Variants in SMCO4 observed in about 807,000 individuals in gnomAD.
The protein encoded by SMCO4 is single-pass membrane and coiled-coil domain-containing protein 4.
In SMCO4, 4 loss-of-function variants were observed where a neutral mutation model predicts 3.6. The observed-to-expected ratio is 1.11, with a 90% confidence interval of 0.54 to 2.53. The LOEUF (loss-of-function observed/expected upper bound fraction) is 2.53. Among genes scored for constraint, SMCO4 ranks in the 30% most tolerant of loss-of-function variants. The pLI is 0.02. For synonymous variants in SMCO4, 36 were observed against 35.3 expected (o/e 1.02, Z -0.07); for missense variants, 70 against 80.8 (o/e 0.87, Z 0.51).
At chr11:93,544,635 G>A (rs1272257795), upstream of SMCO4, among the ~76,000 whole-genome samples, 2 of 152,036 alleles carry the variant, frequency 1.3e-5, no homozygotes, top group African/African-American at 2.4e-5. Flanking sequence ...ACAACTTAAG[G>A]CTTTTTTTTT....
At chr11:93,545,353 C>T (rs1197317847), upstream of SMCO4, among the ~76,000 whole-genome samples, 2 of 151,858 alleles carry the variant, frequency 1.3e-5, no homozygotes, top group African/African-American at 4.8e-5. Context: ...TTTGGGAGGC[C>T]GAGGTGGGTG....
chr11:93,542,563 C>T (rs926649596), intron 1 of SMCO4, among the ~76,000 whole-genome samples: 12 of 152,286 alleles, frequency 7.9e-5, no homozygotes, highest in African/African-American at 2.9e-4. Flanking sequence ...CGGTAGTCGG[C>T]CCCAGCAGCA....
At chr11:93,551,536 A>G in the SMCO4 span, among the ~76,000 whole-genome samples, 1 of 152,044 alleles carries the variant, frequency 6.6e-6, no homozygotes, top group Non-Finnish European at 1.5e-5. Context: ...TATCCAACCC[A>G]CACTCTGCTC....
intron 1 of SMCO4, among the ~76,000 whole-genome samples, chr11:93,512,782 T>C (rs1319100567): frequency 6.6e-6 from 1 of 152,170 alleles, no homozygotes; most frequent in Non-Finnish European, 1.5e-5. Flanking sequence ...GTCCCTGTCA[T>C]TAAGTGAGGC....
At chr11:93,535,459 A>G in intron 1 of SMCO4, 18 of 1,369,032 alleles carry the variant, frequency 1.3e-5, no homozygotes, top group Non-Finnish European at 1.6e-5. Flanking sequence ...GTCGAGCCAG[A>G]GTCGCCGCGA....
chr11:93,550,202 A>G, the SMCO4 span, among the ~76,000 whole-genome samples: 6 of 152,152 alleles, frequency 3.9e-5, no homozygotes, highest in Non-Finnish European at 8.8e-5. Flanking sequence ...TTTCTCCACA[A>G]CTTTCTCCCT....
intron 2 of SMCO4, among the ~76,000 whole-genome samples, chr11:93,494,150 CA>C (rs1014794985): frequency 1.3e-5 from 2 of 152,202 alleles, no homozygotes; most frequent in African/African-American, 4.8e-5. Flanking sequence ...GCTCATCTCA[CA>C]TATTTTCCCC....
intron 1 of SMCO4, among the ~76,000 whole-genome samples, chr11:93,528,610 A>G (rs1949133607): frequency 1.3e-5 from 2 of 148,498 alleles, no homozygotes; most frequent in African/African-American, 5.0e-5. Context: ...AACCGGCTCT[A>G]CCTTCCAGGA....
intron 2 of SMCO4, among the ~76,000 whole-genome samples, chr11:93,489,123 A>G (rs1242449797): frequency 6.6e-6 from 1 of 152,188 alleles, no homozygotes; most frequent in East Asian, 1.9e-4. Context: ...ACAAGAGCAC[A>G]GGGAAGACTC....
At chr11:93,510,870 G>A (rs189084586) in intron 1 of SMCO4, among the ~76,000 whole-genome samples, 3 of 152,288 alleles carry the variant, frequency 2.0e-5, no homozygotes, top group Non-Finnish European at 2.9e-5. Flanking sequence ...ATGCTGAGGT[G>A]GGCGGATCAC....
chr11:93,509,486 G>T (rs1948938833), intron 1 of SMCO4, among the ~76,000 whole-genome samples: 1 of 152,074 alleles, frequency 6.6e-6, no homozygotes, highest in Non-Finnish European at 1.5e-5. Flanking sequence ...CAGAGGAAAA[G>T]AAGTCATTAT....
At chr11:93,502,040 G>A (rs1948845022) in intron 1 of SMCO4, among the ~76,000 whole-genome samples, 1 of 151,772 alleles carries the variant, frequency 6.6e-6, no homozygotes, top group Non-Finnish European at 1.5e-5. Flanking sequence ...AGGGGGCAAA[G>A]TACAGATGCA....
At chr11:93,550,726 G>C in the SMCO4 span, among the ~76,000 whole-genome samples, 1 of 151,890 alleles carries the variant, frequency 6.6e-6, no homozygotes, top group Non-Finnish European at 1.5e-5. Context: ...TGGCAGAGAA[G>C]AAAAAACAAA....
At chr11:93,521,771 T>C (rs897557) in intron 1 of SMCO4, among the ~76,000 whole-genome samples, 49,896 of 152,098 alleles carry the variant, frequency 0.33, 8,573 homozygotes, top group East Asian at 0.56. Flanking sequence ...ATCAGCTAAG[T>C]ACTCAGTACT....
chr11:93,539,266 T>TA (rs151130705), intron 1 of SMCO4, among the ~76,000 whole-genome samples: 16,985 of 139,264 alleles, frequency 0.12, 1,589 homozygotes, highest in African/African-American at 0.28. Flanking sequence ...GACTCAAGGG[T>TA]AAAAAAAAAA....
chr11:93,535,483 G>A (rs1324737323), intron 1 of SMCO4: 1 of 1,407,574 alleles, frequency 7.1e-7, no homozygotes, highest in East Asian at 2.3e-5. Context: ...TGTTGTTGGA[G>A]AGCGAGCAGC....
chr11:93,534,864 A>G (rs995215085), intron 1 of SMCO4, among the ~76,000 whole-genome samples: 2 of 152,084 alleles, frequency 1.3e-5, no homozygotes, highest in African/African-American at 4.8e-5. Flanking sequence ...CACCCCTCAA[A>G]CACCTTCTAA....
chr11:93,488,520 C>T (rs938465490), intron 2 of SMCO4, among the ~76,000 whole-genome samples: 2 of 152,122 alleles, frequency 1.3e-5, no homozygotes, highest in East Asian at 1.9e-4. Context: ...AAGGCAGAGG[C>T]ATACAATTTA....
intron 1 of SMCO4, among the ~76,000 whole-genome samples, chr11:93,534,317 T>A (rs1486193714): frequency 6.8e-6 from 1 of 148,090 alleles, no homozygotes; most frequent in African/African-American, 2.5e-5. Flanking sequence ...TATATACACA[T>A]ATATACACAT....
Sources: gnomAD v4.1 joint callset for allele counts (sites outside exome capture counted in the v4.1 genomes callset) on GRCh38, gnomAD v4.1.1 for gene constraint, MANE v1.5 for transcripts, NCBI Gene and HGNC (gene_info 2026-07-23, HGNC 2026-07-21) for gene names.